Variants in CHCHD6 observed in about 807,000 individuals in gnomAD.
The protein encoded by CHCHD6 is MICOS complex subunit MIC25.
Under a neutral mutation model 32.3 loss-of-function variants are expected in CHCHD6, and 28 were observed. That is an observed-to-expected ratio of 0.87 (90% CI 0.64 to 1.19). The LOEUF (loss-of-function observed/expected upper bound fraction) is 1.19. Ranked by LOEUF, CHCHD6 falls within the 50% of genes most tolerant of loss-of-function variation. The probability of loss-of-function intolerance (pLI) is 0.00; values close to 1 mark genes in which losing one functional copy is unlikely to be tolerated. For synonymous variants in CHCHD6, 122 were observed against 117.5 expected, an observed-to-expected ratio of 1.04 and a Z score of -0.25; for missense variants, 333 against 307.0, an observed-to-expected ratio of 1.08 and a Z score of -0.63.
chr3:126,872,077 G>A (rs980432949), intron 5 of CHCHD6, among the ~76,000 whole-genome samples: 2 of 152,142 alleles, frequency 1.3e-5, no homozygotes, highest in Admixed American at 6.5e-5. Context: ...TCAACCAGGG[G>A]TGCTTTTGCC....
chr3:126,939,734 C>T (rs1449774192), intron 6 of CHCHD6, among the ~76,000 whole-genome samples: 1 of 152,192 alleles, frequency 6.6e-6, no homozygotes, highest in Non-Finnish European at 1.5e-5. Flanking sequence ...ACACATATTC[C>T]ACTCACTCCA....
At chr3:126,960,109 C>A in intron 7 of CHCHD6, 87 bp from the exon 8 acceptor site, 1 of 1,481,688 alleles carries the variant, frequency 6.7e-7, no homozygotes, top group East Asian at 2.5e-5. Context: ...CCCTGGGAAG[C>A]GGTTGCTGTC....
intron 1 of CHCHD6, among the ~76,000 whole-genome samples, chr3:126,721,184 G>A (rs1935271655): frequency 6.6e-6 from 1 of 152,142 alleles, no homozygotes; most frequent in African/African-American, 2.4e-5. Flanking sequence ...ATGTTTCCTT[G>A]CTCACAAACT....
At chr3:126,861,384 A>G (rs1941857165) in intron 5 of CHCHD6, among the ~76,000 whole-genome samples, 3 of 151,940 alleles carry the variant, frequency 2.0e-5, no homozygotes, top group South Asian at 2.1e-4. Context: ...CACTTTCTTC[A>G]TCTATATAAA....
intron 5 of CHCHD6, among the ~76,000 whole-genome samples, chr3:126,911,848 G>A (rs1404239979): frequency 1.3e-5 from 2 of 152,222 alleles, no homozygotes; most frequent in East Asian, 3.9e-4. Context: ...GAGAAGGTTG[G>A]CAACAGGTGC....
At chr3:126,916,752 T>G (rs1398847514) in intron 6 of CHCHD6, among the ~76,000 whole-genome samples, 2 of 152,180 alleles carry the variant, frequency 1.3e-5, no homozygotes, top group African/African-American at 4.8e-5. Flanking sequence ...CACAGAACAT[T>G]GAGAAGGAGA....
intron 5 of CHCHD6, among the ~76,000 whole-genome samples, chr3:126,911,030 T>C (rs1228978976): frequency 6.6e-6 from 1 of 152,318 alleles, no homozygotes; most frequent in East Asian, 1.9e-4. Context: ...TTTAAAACCA[T>C]ATGTAAGTAT....
intron 1 of CHCHD6, among the ~76,000 whole-genome samples, chr3:126,715,135 A>C (rs148993837): frequency 1.1e-4 from 16 of 152,194 alleles, no homozygotes; most frequent in African/African-American, 3.6e-4. Flanking sequence ...GGGAACTGCA[A>C]ATCATTCTAT....
Position 126,879,123 on chromosome 3 carries a change from C to T in CHCHD6, c.495+26393C>T, listed in dbSNP as rs138175409. Among the ~76,000 whole-genome samples, 293 of 152,294 alleles carry T rather than the reference C, an allele frequency of 1.9e-3. 1 individual carries two copies. The highest frequency in any genetic ancestry group is 6.6e-3 in the African/African-American group (273 of 41,558). On this transcript the variant is annotated intron_variant, in intron 5 of 7. Transcript: ENST00000290913. ...GCTAGATTCCAAAAGCATGTAGGAG[C>T]ACAAGGTGTTTTGCAGTCTAGCCTT...
chr3:126,754,741 A>G (rs1027340325), intron 4 of CHCHD6, among the ~76,000 whole-genome samples: 3 of 152,138 alleles, frequency 2.0e-5, no homozygotes, highest in African/African-American at 7.2e-5. Flanking sequence ...GTCCCTCCAG[A>G]TGAATTTTGT....
At chr3:126,741,868 T>A (rs1407692198) in intron 4 of CHCHD6, among the ~76,000 whole-genome samples, 1 of 152,202 alleles carries the variant, frequency 6.6e-6, no homozygotes, top group Non-Finnish European at 1.5e-5. Flanking sequence ...CCTGTGGTCC[T>A]CAGGCCAGGA....
intron 4 of CHCHD6, among the ~76,000 whole-genome samples, chr3:126,751,012 G>T (rs547930376): frequency 7.2e-4 from 110 of 152,324 alleles, no homozygotes; most frequent in Non-Finnish European, 1.4e-3. Flanking sequence ...GGGTAGGAGG[G>T]AGAGGAACGG....
intron 4 of CHCHD6, among the ~76,000 whole-genome samples, chr3:126,755,989 G>A (rs1256450548): frequency 6.6e-6 from 1 of 152,128 alleles, no homozygotes; most frequent in Non-Finnish European, 1.5e-5. Context: ...AGATGACTGT[G>A]AGGCTCTGGG....
At position 126,859,330 on chromosome 3, in the gene CHCHD6, G is replaced by T. The variant is rs565469052; in HGVS notation, c.495+6600G>T. ...GGCTGGAGAGCTTGGCCCCAGCCAG[G>T]TGCTATGTGAGAAGGGAGGCCACAG... On this transcript the variant is annotated intron_variant, in intron 5 of 7. Transcript: ENST00000290913. Among the ~76,000 whole-genome samples the T allele has an allele frequency of 5.3e-5, 8 of 152,316 alleles. No homozygotes were observed. The East Asian group carries it at 1.5e-3, about 29-fold the overall frequency.
rs185233053 is a variant in CHCHD6, at chr3:126,721,512, A to G, written c.88-5566A>G. On this transcript the variant is annotated intron_variant, in intron 1 of 7. Coordinates refer to ENST00000290913, the MANE Select transcript of CHCHD6 (RefSeq NM_032343.3). ...TGGAATCCCTCCTTGTGCTGTTCTC[A>G]TTGACTTCCTGTCTGGGCTGCTTCT... Among the ~76,000 whole-genome samples the G allele has an allele frequency of 6.6e-5, 10 of 151,994 alleles. No homozygotes were observed. The East Asian group carries it at 1.9e-3, about 29-fold the overall frequency.
At position 126,805,652 on chromosome 3, in the gene CHCHD6, C is replaced by A. The variant is rs575202370; in HGVS notation, c.412-46995C>A. 5.9e-3 allele frequency among the ~76,000 whole-genome samples: 897 copies of A among 152,058 alleles called. 6 individuals are homozygous for A. The highest frequency in any genetic ancestry group is 7.1e-3 in the Non-Finnish European group (485 of 67,958). On this transcript the variant is annotated intron_variant, in intron 4 of 7. Coordinates refer to ENST00000290913, the MANE Select transcript of CHCHD6 (RefSeq NM_032343.3). The stretch of plus-strand genomic sequence containing the variant: ...CAAGGTAATTTATAGATTCAATGCC[C>A]TCCCCATCAAGCTACCAATGACTTT...
intron 4 of CHCHD6, chr3:126,767,559 T>C: frequency 2.4e-6 from 1 of 416,994 alleles, no homozygotes; most frequent in Non-Finnish European, 4.4e-6. Flanking sequence ...TGTTGTTAGC[T>C]TACCCAAAGC....
At chr3:126,743,589 G>A (rs768968399) in intron 4 of CHCHD6, among the ~76,000 whole-genome samples, 1 of 152,176 alleles carries the variant, frequency 6.6e-6, no homozygotes, top group Non-Finnish European at 1.5e-5. Flanking sequence ...GGGGGCTGGA[G>A]AAACTGTGCA....
intron 5 of CHCHD6, among the ~76,000 whole-genome samples, chr3:126,885,811 A>G (rs2077671489): frequency 6.6e-6 from 1 of 152,108 alleles, no homozygotes; most frequent in South Asian, 2.1e-4. Flanking sequence ...TGTCACTTTT[A>G]CTCTCTTTGG....
Sources: allele counts gnomAD v4.1 joint callset (sites outside exome capture counted in the v4.1 genomes callset), GRCh38; gene constraint gnomAD v4.1.1; transcripts MANE v1.5; gene names NCBI Gene and HGNC (gene_info 2026-07-23, HGNC 2026-07-21).